Variants in UBE2J1 observed in about 807,000 individuals in gnomAD.
UBE2J1 encodes the protein ubiquitin-conjugating enzyme E2 J1.
In UBE2J1, 17 loss-of-function variants were observed where a neutral mutation model predicts 42.1. The observed-to-expected ratio is 0.40, with a 90% CI of 0.28 to 0.61. UBE2J1 has a LOEUF of 0.61. Among genes scored for constraint, UBE2J1 ranks in the 20% least tolerant of loss-of-function variants. The pLI is 0.38. For missense variants in UBE2J1, 291 were observed against 389.4 expected (o/e 0.75, Z 2.13); for synonymous variants, 127 against 137.2 (o/e 0.93, Z 0.52).
intron 3 of UBE2J1, among the ~76,000 whole-genome samples, chr6:89,339,191 G>A (rs950604446): frequency 2.6e-5 from 4 of 151,362 alleles, no homozygotes; most frequent in Non-Finnish European, 4.4e-5. Context: ...CTGGGAGACT[G>A]AGGCAGGAGG....
At chr6:89,342,227 G>A in intron 3 of UBE2J1, 97 bp downstream of exon 3, 4 of 1,416,804 alleles carry the variant, frequency 2.8e-6, no homozygotes, top group Non-Finnish European at 3.9e-6. Context: ...AAATTATACT[G>A]TTCTATTATT....
intron 1 of UBE2J1, among the ~76,000 whole-genome samples, chr6:89,351,643 G>A (rs929571336): frequency 5.9e-5 from 9 of 152,214 alleles, no homozygotes; most frequent in Non-Finnish European, 1.3e-4. Flanking sequence ...AACAGCAAAA[G>A]TTGGTGAAAT....
rs779191273 is a variant in UBE2J1, at chr6:89,329,682, T to C, written c.954A>G (p.Leu318=). ...LANEYIFDFE[L] is the part of the protein sequence containing the mutation. ...GCTCATAAGTCACAAAACCATATTA[T>C]AACTCAAAGTCAAATATGTATTCGT... The change falls in exon 8 of 8, where the codon TTA becomes TTG. Residue 318 remains leucine (L), a synonymous_variant. Transcript: ENST00000435041. The C allele has an allele frequency of 7.4e-6, 12 of 1,613,950 alleles. No homozygotes were observed. The highest frequency in any genetic ancestry group is 2.7e-5 in the African/African-American group (2 of 74,944).
In UBE2J1 at chr6:89,336,502, A is replaced by AT. The variant is rs948234851; in HGVS notation, c.429-1072dup. 0.021 allele frequency among the ~76,000 whole-genome samples: 2,961 copies of AT among 142,610 alleles called. 165 individuals carry two copies. The East Asian group carries it at 0.22, about 10-fold the overall frequency. The allele number at this position is 142,610 out of a possible 152,430, so 93.6% of individuals were successfully genotyped here. ...TTTTTTTTTATTTCATTTTATTATT[A>AT]TTTTTTTTTTTGTAGAGACAGTGTC... On this transcript the variant is annotated intron_variant, in intron 5 of 7. Coordinates refer to ENST00000435041, the MANE Select transcript of UBE2J1 (RefSeq NM_016021.3).
At chr6:89,334,837 A>G (rs926832591) in intron 6 of UBE2J1, among the ~76,000 whole-genome samples, 3 of 150,814 alleles carry the variant, frequency 2.0e-5, no homozygotes, top group Admixed American at 2.0e-4. Context: ...CACCAGGGAC[A>G]GTTCTGAATG....
chr6:89,349,776 A>G (rs897036221), intron 1 of UBE2J1, among the ~76,000 whole-genome samples: 2 of 152,162 alleles, frequency 1.3e-5, no homozygotes, highest in Non-Finnish European at 2.9e-5. Context: ...ATGGATAGGT[A>G]ACTCTTAGAC....
chr6:89,329,535 T>C lies in UBE2J1; in HGVS notation c.*144A>G. On this transcript the variant is annotated 3_prime_UTR_variant, in exon 8 of 8. Coordinates refer to ENST00000435041, the MANE Select transcript of UBE2J1 (RefSeq NM_016021.3). Reference sequence around the variant, plus strand: ...TAGACACAGTCTGAATGTCTAGATATATTTATACTAAACTTACAAGGATCA... The same window carrying C: ...TAGACACAGTCTGAATGTCTAGATACATTTATACTAAACTTACAAGGATCA... 1.2e-6 allele frequency: 1 copy of C among 851,194 alleles called. No homozygotes were observed. The highest frequency in any genetic ancestry group is 1.7e-5 in the South Asian group (1 of 58,828). 52.7% of individuals were successfully genotyped at this position (851,194 alleles called of 1,614,324 possible).
Position 89,329,369 on chromosome 6 carries a change from AG to A in UBE2J1, c.*309del. 1 of 320,440 alleles carries A rather than the reference AG, an allele frequency of 3.1e-6. No homozygotes were observed. The highest frequency in any genetic ancestry group is 5.8e-6 in the Non-Finnish European group (1 of 172,042). The allele number at this position is 320,440 out of a possible 1,614,324, so 19.8% of individuals were successfully genotyped here. On this transcript the variant is annotated 3_prime_UTR_variant, in exon 8 of 8. Coordinates refer to ENST00000435041, the MANE Select transcript of UBE2J1 (RefSeq NM_016021.3). ...ATCATCTTTTATCCAAAAATTTCAA[AG>A]GGCAATATAGGAAAGTATTACAAAT...
intron 1 of UBE2J1, among the ~76,000 whole-genome samples, chr6:89,347,707 A>G (rs1185627331): frequency 6.6e-6 from 1 of 152,142 alleles, no homozygotes; most frequent in Non-Finnish European, 1.5e-5. Flanking sequence ...CAAAAATAAC[A>G]TATATTATGA....
At position 89,329,417 on chromosome 6, in the gene UBE2J1, C is replaced by A; in HGVS notation, c.*262G>T. 4 of 428,926 alleles carry A rather than the reference C, an allele frequency of 9.3e-6. No individual in the cohort carries two copies. Among genetic ancestry groups the A allele is most frequent in the South Asian group, 2.9e-5 (1 of 34,044 alleles). 26.6% of individuals were successfully genotyped at this position (428,926 alleles called of 1,614,324 possible). On this transcript the variant is annotated 3_prime_UTR_variant, in exon 8 of 8. Transcript: ENST00000435041. ...AAATTTACATAAAAAGAAGATGAAA[C>A]ATGAGAAAAAACAAGTTATTTCCCT...
chr6:89,332,328 C>A (rs966294915), intron 7 of UBE2J1, among the ~76,000 whole-genome samples: 1 of 152,108 alleles, frequency 6.6e-6, no homozygotes, highest in African/African-American at 2.4e-5. Flanking sequence ...TATTTTTTGG[C>A]ACCAATCCAG....
chr6:89,346,570 C>CTAG (rs1768369191), intron 1 of UBE2J1, among the ~76,000 whole-genome samples: 1 of 152,156 alleles, frequency 6.6e-6, no homozygotes, highest in African/African-American at 2.4e-5. Flanking sequence ...GCCTCACCGT[C>CTAG]TAGTCTGGCT....
At chr6:89,340,902 A>T (rs1241698547) in intron 3 of UBE2J1, among the ~76,000 whole-genome samples, 6 of 151,352 alleles carry the variant, frequency 4.0e-5, no homozygotes, top group Non-Finnish European at 7.4e-5. Context: ...CAGCCTCCCG[A>T]GTAGCTGGGA....
At position 89,335,323 on chromosome 6, in the gene UBE2J1, C is replaced by T; in HGVS notation, c.537G>A (p.Leu179=). ...GTACCTTAAAGCTTATTTGCCTAGCCAGTTCTTTGGCTTCTTGGTCAGCTT... is the reference window on the plus strand; with the variant it reads ...GTACCTTAAAGCTTATTTGCCTAGCTAGTTCTTTGGCTTCTTGGTCAGCTT... ...SSQADQEAKE[L]ARQISFKAEV... is the part of the protein sequence containing the mutation. Residue 179 remains leucine (L), a synonymous_variant, in exon 6 of 8, where the codon CTG becomes CTA. Transcript: ENST00000435041. 1.2e-6 allele frequency: 2 copies of T among 1,604,030 alleles called. No homozygotes were observed. Among genetic ancestry groups the T allele is most frequent in the Non-Finnish European group, 1.7e-6 (2 of 1,174,098 alleles).
intron 3 of UBE2J1, among the ~76,000 whole-genome samples, chr6:89,341,274 G>T (rs992162657): frequency 1.3e-5 from 2 of 152,182 alleles, no homozygotes; most frequent in Admixed American, 6.5e-5. Context: ...ACTACGGAAA[G>T]GATGCCTTGG....
At chr6:89,337,460 A>C (rs904882695) in intron 5 of UBE2J1, among the ~76,000 whole-genome samples, 7 of 152,196 alleles carry the variant, frequency 4.6e-5, no homozygotes, top group African/African-American at 1.7e-4. Context: ...CTAAAATCTA[A>C]CTGATTTAGC....
At chr6:89,344,685 C>A (rs1428412999) in intron 1 of UBE2J1, among the ~76,000 whole-genome samples, 1 of 152,214 alleles carries the variant, frequency 6.6e-6, no homozygotes, top group Non-Finnish European at 1.5e-5. Context: ...CACCTAATGT[C>A]CCCACATTTC....
At chr6:89,330,382 A>G (rs967482416) in intron 7 of UBE2J1, among the ~76,000 whole-genome samples, 3 of 151,950 alleles carry the variant, frequency 2.0e-5, no homozygotes, top group Non-Finnish European at 4.4e-5. Context: ...AACTCCTGGG[A>G]TCAAGCGATC....
chr6:89,334,481 T>G (rs1156292547), intron 6 of UBE2J1, among the ~76,000 whole-genome samples: 1 of 151,078 alleles, frequency 6.6e-6, no homozygotes, highest in East Asian at 1.9e-4. Context: ...TTTCTTTTTT[T>G]TTTTTTTGAG....
Sources: gnomAD v4.1 joint callset for allele counts (sites outside exome capture counted in the v4.1 genomes callset) on GRCh38, gnomAD v4.1.1 for gene constraint, MANE v1.5 for transcripts, NCBI Gene and HGNC (gene_info 2026-07-23, HGNC 2026-07-21) for gene names.